Variants in USP35 observed in about 807,000 individuals in gnomAD.
USP35 encodes ubiquitin specific peptidase 35.
A neutral mutation model predicts 83.8 loss-of-function variants in USP35; 69 were observed. That is an observed-to-expected ratio of 0.82 (90% CI 0.68 to 1.01). The LOEUF (loss-of-function observed/expected upper bound fraction) is 1.01. Among genes scored for constraint, USP35 ranks in the 50% least tolerant of loss-of-function variants. The pLI is 0.00. For missense variants in USP35, 1,503 were observed against 1,362.5 expected, an observed-to-expected ratio of 1.10 and a Z score of -1.62; for synonymous variants, 714 against 589.5, an observed-to-expected ratio of 1.21 and a Z score of -3.06.
chr11:78,191,354 C>T (rs895035570), intron 1 of USP35, among the ~76,000 whole-genome samples: 3 of 152,184 alleles, frequency 2.0e-5, no homozygotes, highest in African/African-American at 7.2e-5. Flanking sequence ...TTGGAGTGTG[C>T]TGGTGTTGCT....
chr11:78,200,029 G>T, intron 4 of USP35, 104 bp from the exon 5 acceptor site: 1 of 1,255,550 alleles, frequency 8.0e-7, no homozygotes, highest in Non-Finnish European at 1.2e-6. Flanking sequence ...CCCTCTGCAT[G>T]GGTTTGAACT....
rs999562063 is a variant in USP35, at chr11:78,211,218, C to G, written c.2889+474C>G. Among the ~76,000 whole-genome samples the G allele has an allele frequency of 4.0e-5, 6 of 149,724 alleles. No individual in the cohort carries two copies. The South Asian group carries it at 1.3e-3, about 31-fold the overall frequency. On this transcript the variant is annotated intron_variant, in intron 10 of 10. Transcript: ENST00000529308. Reference sequence around the variant, plus strand: ...AGCATGCGGTATTTGGTTTTCTGTTCCTGCGTTAATTTGCTGAGGATAACG... The same window carrying G: ...AGCATGCGGTATTTGGTTTTCTGTTGCTGCGTTAATTTGCTGAGGATAACG...
intron 10 of USP35, among the ~76,000 whole-genome samples, chr11:78,211,460 T>C (rs1303128120): frequency 6.6e-6 from 1 of 152,140 alleles, no homozygotes; most frequent in Admixed American, 6.5e-5. Context: ...TTCCTTTGGG[T>C]GTATAGCCAG....
At chr11:78,223,385 A>G in the USP35 span, 1 of 1,488,980 alleles carries the variant, frequency 6.7e-7, no homozygotes, top group Non-Finnish European at 9.0e-7. Flanking sequence ...CTGTCCAGAG[A>G]TGGGACAGGG....
the USP35 span, among the ~76,000 whole-genome samples, chr11:78,231,471 C>A: frequency 1.3e-5 from 2 of 152,026 alleles, no homozygotes; most frequent in South Asian, 2.1e-4. Context: ...TGCCTCAGCA[C>A]CCTGAGTAGC....
the USP35 span, chr11:78,223,366 C>A: frequency 7.0e-7 from 1 of 1,438,382 alleles, no homozygotes; most frequent in South Asian, 1.5e-5. Context: ...TGGAAAGAGT[C>A]CCTAGCCACT....
chr11:78,224,986 T>C, the USP35 span: 4 of 658,738 alleles, frequency 6.1e-6, no homozygotes, highest in Non-Finnish European at 1.1e-5. Flanking sequence ...AGACAAGAAC[T>C]TGGGCAGGGT....
the USP35 span, among the ~76,000 whole-genome samples, chr11:78,229,444 A>G: frequency 6.6e-6 from 1 of 152,186 alleles, no homozygotes; most frequent in Non-Finnish European, 1.5e-5. Flanking sequence ...AGAGCATCAC[A>G]GGCACCCTGC....
chr11:78,205,505 C>A (rs1446185391), intron 6 of USP35, among the ~76,000 whole-genome samples: 1 of 152,208 alleles, frequency 6.6e-6, no homozygotes, highest in African/African-American at 2.4e-5. Flanking sequence ...ATTGCCTGAG[C>A]TCTTTTATAG....
intron 8 of USP35, among the ~76,000 whole-genome samples, chr11:78,208,045 CAGGGTGTG>C (rs1863588536): frequency 6.6e-6 from 1 of 152,184 alleles, no homozygotes; most frequent in Non-Finnish European, 1.5e-5. Context: ...GAAGGCATCA[CAGGGTGTG>C]AGAGCATGCA....
At chr11:78,191,912 C>T (rs553601724) in intron 1 of USP35, among the ~76,000 whole-genome samples, 7 of 148,266 alleles carry the variant, frequency 4.7e-5, no homozygotes, top group South Asian at 2.1e-4. Flanking sequence ...GGCATGATCT[C>T]GGCTCACTGC....
intron 1 of USP35, among the ~76,000 whole-genome samples, chr11:78,194,899 C>G (rs1863097830): frequency 6.6e-6 from 1 of 152,122 alleles, no homozygotes; most frequent in Non-Finnish European, 1.5e-5. Context: ...CAAGTGCTAC[C>G]AAGGAGAAGG....
Position 78,213,733 on chromosome 11 carries a change from A to C in USP35, c.2977A>C (p.Lys993Gln). 2 of 1,538,002 alleles carry C rather than the reference A, an allele frequency of 1.3e-6. No homozygotes were observed. The highest frequency in any genetic ancestry group is 3.4e-4 in the Middle Eastern group (2 of 5,834). Residue 993 changes from lysine (K) to glutamine (Q), a missense_variant, in exon 11 of 11, where the codon AAG becomes CAG. Lys to Gln is a moderately conservative substitution (Grantham distance 53). Transcript: ENST00000529308. ...CTGGGGGAGGGGCTTTGATGAAGAC[A>C]AGGATGAGGATGAAGGCTCTCCAGG... ...PHWGRGFDED[K>Q]DEDEGSPGGC...
chr11:78,207,599 C>G lies in USP35; in HGVS notation c.1461C>G (p.Leu487=). The G allele has an allele frequency of 1.2e-6, 2 of 1,614,072 alleles. No homozygotes were observed. Among genetic ancestry groups the G allele is most frequent in the Non-Finnish European group, 8.5e-7 (1 of 1,179,980 alleles). The change falls in exon 8 of 11, where the codon CTC becomes CTG. Residue 487 remains leucine, a synonymous_variant. Transcript: ENST00000529308. ...CCCTGATGACCAAGCTGCAGTGGCT[C>G]TTTGGCTTCCTAGAACACAGCCAGG... ...SQPLMTKLQW[L]FGFLEHSQRP...
chr11:78,207,352 C>G (rs1410424144), intron 7 of USP35, 178 bp from the exon 8 acceptor site: 13 of 610,784 alleles, frequency 2.1e-5, no homozygotes, highest in South Asian at 2.1e-4. Flanking sequence ...CCTCAGATAC[C>G]CCAGGCTGAG....
chr11:78,192,709 G>A (rs1280475450), intron 1 of USP35, among the ~76,000 whole-genome samples: 2 of 152,230 alleles, frequency 1.3e-5, no homozygotes, highest in East Asian at 1.9e-4. Context: ...GGCTTATGTG[G>A]TGTTAGGTAG....
In USP35 at chr11:78,209,832, C is replaced by T. The variant is rs200212651; in HGVS notation, c.1977C>T (p.Ile659=). ...ACACCCCCCCCACCAGCCTGTACAT[C>T]GAAGGCCTGGACTCCAAGGAAGCTG... is the stretch of plus-strand genomic sequence containing the variant. ...TEDTPPTSLY[I]EGLDSKEAGG... The change falls in exon 10 of 11, where the codon ATC becomes ATT. Residue 659 remains isoleucine, a synonymous_variant. Coordinates refer to ENST00000529308, the MANE Select transcript of USP35 (RefSeq NM_020798.4). 6.5e-5 allele frequency: 105 copies of T among 1,613,326 alleles called. 1 individual carries two copies. In the African/African-American group the frequency reaches 1.0e-3, roughly 15 times the overall value.
At chr11:78,198,888 G>A (rs1863241558) in intron 3 of USP35, 1 of 166,470 alleles carries the variant, frequency 6.0e-6, no homozygotes, top group South Asian at 2.0e-4. Context: ...GATAATACAC[G>A]AAACATGTCT....
In USP35 at chr11:78,214,605, A is replaced by AGGTT. The variant is rs1864013952; in HGVS notation, c.*795_*798dup. On this transcript the variant is annotated 3_prime_UTR_variant, in exon 11 of 11. Coordinates refer to ENST00000529308, the MANE Select transcript of USP35 (RefSeq NM_020798.4). ...TGTAGCTGCAACAGCAGCCACCTGCAGGTTGGGTGAAGTGCCCTGACACTG... is the reference window on the plus strand; with the variant it reads ...TGTAGCTGCAACAGCAGCCACCTGCAGGTTGGTTGGGTGAAGTGCCCTGACACTG... 6.6e-6 allele frequency: 1 copy of AGGTT among 152,288 alleles called. No homozygotes were observed. Among genetic ancestry groups the AGGTT allele is most frequent in the African/African-American group, 2.4e-5 (1 of 41,464 alleles). 9.4% of individuals were successfully genotyped at this position (152,288 alleles called of 1,614,324 possible).
Sources: allele counts gnomAD v4.1 joint callset (sites outside exome capture counted in the v4.1 genomes callset), GRCh38; gene constraint gnomAD v4.1.1; transcripts MANE v1.5; gene names NCBI Gene and HGNC (gene_info 2026-07-23, HGNC 2026-07-21).